The following PARG variants were observed in gnomAD, a reference collection of about 807,000 sequenced individuals.
PARG encodes the protein mitochondrial poly(ADP-ribose) glycohydrolase.
A neutral mutation model predicts 113.0 loss-of-function variants in PARG; 35 were observed. That is an observed-to-expected ratio of 0.31 (90% CI 0.24 to 0.41). The LOEUF is 0.41. Among genes scored for constraint, PARG ranks in the 10% least tolerant of loss-of-function variants. PARG has a pLI of 1.00. For synonymous variants in PARG, 330 were observed against 409.9 expected, an observed-to-expected ratio of 0.81 and a Z score of 2.36; for missense variants, 797 against 1,169.4, an observed-to-expected ratio of 0.68 and a Z score of 4.64.
At chr10:49,893,689 CTT>C (rs1328865844) in intron 7 of PARG, among the ~76,000 whole-genome samples, 2 of 143,158 alleles carry the variant, frequency 1.4e-5, no homozygotes, top group Admixed American at 7.0e-5. Flanking sequence ...TAATTTTTGA[CTT>C]TTTTTTTTTT....
intron 13 of PARG, among the ~76,000 whole-genome samples, 198 bp from the exon 14 acceptor site, chr10:49,843,830 T>C (rs1554832822): frequency 6.6e-6 from 1 of 152,236 alleles, no homozygotes; most frequent in Non-Finnish European, 1.5e-5. Context: ...GTAGATATCA[T>C]GCTTGTTTAC....
At chr10:49,903,165 C>T (rs1848423715) in intron 7 of PARG, among the ~76,000 whole-genome samples, 1 of 152,114 alleles carries the variant, frequency 6.6e-6, no homozygotes. Flanking sequence ...TGGTATGGAC[C>T]TACAGTCCCA....
In PARG at chr10:49,904,028, A is replaced by G. The variant is rs552219610; in HGVS notation, c.1737+11889T>C. Among the ~76,000 whole-genome samples the G allele has an allele frequency of 2.0e-5, 3 of 152,148 alleles. No homozygotes were observed. The South Asian group carries it at 6.2e-4, about 32-fold the overall frequency. ...GAGTCATGACGATGGTATGGAGGAG[A>G]CAAGTGTAACAGAAATAGAGCCGAA... On this transcript the variant is annotated intron_variant, in intron 7 of 17. Coordinates refer to ENST00000616448, the MANE Select transcript of PARG (RefSeq NM_003631.5).
chr10:49,920,508 A>G lies in PARG; in HGVS notation c.1662+1828T>C, dbSNP rs1401292792. Among the ~76,000 whole-genome samples, 8 of 134,822 alleles carry G rather than the reference A, an allele frequency of 5.9e-5. No homozygotes were observed. The East Asian group carries it at 1.6e-3, about 28-fold the overall frequency. The allele number at this position is 134,822 out of a possible 152,430, so 88.4% of individuals were successfully genotyped here. ...TATATATATATATATACACACACAC[A>G]CACATATATATGTATATACATGTAT... On this transcript the variant is annotated intron_variant, in intron 6 of 17. Transcript: ENST00000616448.
chr10:49,917,866 T>TC (rs1419132006), intron 6 of PARG, among the ~76,000 whole-genome samples: 10 of 150,488 alleles, frequency 6.6e-5, no homozygotes, highest in African/African-American at 2.4e-4. Flanking sequence ...ATTTTAAGGA[T>TC]TTTTTTTTCC....
intron 7 of PARG, chr10:49,908,583 T>G (rs2664463): frequency 2.0e-5 from 3 of 152,206 alleles, no homozygotes; most frequent in Admixed American, 1.3e-4. Flanking sequence ...ATGAAACATT[T>G]AAGGCTGCTT....
At chr10:49,928,402 T>C (rs1390489101) in intron 4 of PARG, among the ~76,000 whole-genome samples, 2 of 152,248 alleles carry the variant, frequency 1.3e-5, no homozygotes, top group African/African-American at 2.4e-5. Flanking sequence ...TAGGTACCAG[T>C]TGAGCTTCAC....
chr10:49,891,623 ATTTTTTTTTT>A (rs1160158066), intron 7 of PARG, among the ~76,000 whole-genome samples: 5 of 47,432 alleles, frequency 1.1e-4, no homozygotes, highest in East Asian at 5.6e-4. Flanking sequence ...ATATATATAT[ATTTTTTTTTT>A]TTTTTTTTTT....
intron 16 of PARG, among the ~76,000 whole-genome samples, chr10:49,830,192 G>A (rs1372572376): frequency 3.9e-5 from 6 of 152,192 alleles, no homozygotes; most frequent in African/African-American, 1.4e-4. Flanking sequence ...CATTTATAAA[G>A]CTTTCCAAAC....
chr10:49,840,240 T>C (rs1449126349), intron 15 of PARG, among the ~76,000 whole-genome samples: 1 of 151,862 alleles, frequency 6.6e-6, no homozygotes, highest in African/African-American at 2.4e-5. Flanking sequence ...AAAGAAAAAT[T>C]AGCCAGGTGT....
At chr10:49,859,798 A>T (rs1445593258) in intron 12 of PARG, among the ~76,000 whole-genome samples, 1 of 152,234 alleles carries the variant, frequency 6.6e-6, no homozygotes, top group Non-Finnish European at 1.5e-5. Context: ...TATGCCTCTA[A>T]ATGCCAAAGT....
chr10:49,865,675 T>TA (rs1554836763), intron 10 of PARG, among the ~76,000 whole-genome samples: 2 of 149,330 alleles, frequency 1.3e-5, no homozygotes, highest in Non-Finnish European at 3.0e-5. Flanking sequence ...GTGCTGGTAT[T>TA]TTTGGTAAAG....
intron 16 of PARG, 23 bp downstream of exon 16, chr10:49,832,780 T>C: frequency 7.1e-6 from 10 of 1,399,216 alleles, no homozygotes; most frequent in Non-Finnish European, 9.9e-6. Context: ...AGAATGCTTT[T>C]ATCCTTTTCT....
intron 4 of PARG, among the ~76,000 whole-genome samples, chr10:49,927,965 T>TTA (rs1838291462): frequency 6.7e-6 from 1 of 148,228 alleles, no homozygotes; most frequent in Non-Finnish European, 1.5e-5. Context: ...TCCTGTCTCT[T>TTA]TAAAAAAAAA....
chr10:49,886,365 T>C (rs530924650), intron 7 of PARG, among the ~76,000 whole-genome samples: 7 of 152,342 alleles, frequency 4.6e-5, no homozygotes, highest in South Asian at 4.1e-4. Flanking sequence ...TGTGTGTAAA[T>C]AGAAAAAGTA....
chr10:49,831,812 G>A (rs1844681730), intron 16 of PARG, among the ~76,000 whole-genome samples: 1 of 152,186 alleles, frequency 6.6e-6, no homozygotes, highest in Admixed American at 6.5e-5. Flanking sequence ...TCTGAGTTCT[G>A]TGAGTCATTC....
intron 7 of PARG, among the ~76,000 whole-genome samples, chr10:49,888,983 A>G (rs1554840956): frequency 6.6e-6 from 1 of 151,322 alleles, no homozygotes; most frequent in East Asian, 1.9e-4. Flanking sequence ...TTCTCCATTA[A>G]ACCTGTCTAT....
At chr10:49,931,446 C>T (rs1838473633) in intron 4 of PARG, among the ~76,000 whole-genome samples, 1 of 151,950 alleles carries the variant, frequency 6.6e-6, no homozygotes, top group African/African-American at 2.4e-5. Context: ...TTTTGCAGAC[C>T]CTGCACTTGA....
chr10:49,935,970 G>A (rs1473657263), intron 1 of PARG, among the ~76,000 whole-genome samples: 2 of 152,146 alleles, frequency 1.3e-5, no homozygotes, highest in Non-Finnish European at 2.9e-5. Context: ...AATCTGAGGG[G>A]CAAGAGGGAA....
Sources: gnomAD v4.1 joint callset for allele counts (sites outside exome capture counted in the v4.1 genomes callset) on GRCh38, gnomAD v4.1.1 for gene constraint, MANE v1.5 for transcripts, NCBI Gene and HGNC (gene_info 2026-07-23, HGNC 2026-07-21) for gene names.